MAP4: variants seen among roughly 807,000 people sequenced by gnomAD.
MAP4 encodes the protein microtubule associated protein 4.
In MAP4, 76 loss-of-function variants were observed where a neutral mutation model predicts 170.2. The observed-to-expected ratio is 0.45, with a 90% CI of 0.37 to 0.54. The LOEUF (loss-of-function observed/expected upper bound fraction) is 0.54. Among genes scored for constraint, MAP4 ranks in the 20% least tolerant of loss-of-function variants. MAP4 has a pLI of 0.00. For missense variants in MAP4, 2,506 were observed against 2,748.0 expected (o/e 0.91, Z 1.97); for synonymous variants, 909 against 994.5 (o/e 0.91, Z 1.62).
intron 1 of MAP4, among the ~76,000 whole-genome samples, chr3:48,032,739 A>C (rs572109948): frequency 2.3e-4 from 35 of 152,280 alleles, no homozygotes; most frequent in Middle Eastern, 3.4e-3. Flanking sequence ...CACGACCTAA[A>C]ACTGCACTCT....
At chr3:47,979,891 C>T (rs1456623072) in intron 2 of MAP4, among the ~76,000 whole-genome samples, 2 of 152,164 alleles carry the variant, frequency 1.3e-5, no homozygotes, top group Non-Finnish European at 2.9e-5. Context: ...GTAGTGCAAT[C>T]GTGGCTCACT....
intron 1 of MAP4, among the ~76,000 whole-genome samples, chr3:48,008,354 C>A (rs756278777): frequency 6.6e-6 from 1 of 152,190 alleles, no homozygotes; most frequent in Non-Finnish European, 1.5e-5. Context: ...GCAGACAACA[C>A]CCGAAAGTGG....
intron 1 of MAP4, among the ~76,000 whole-genome samples, chr3:48,072,534 T>C (rs551459135): frequency 6.6e-6 from 1 of 152,074 alleles, no homozygotes; most frequent in South Asian, 2.1e-4. Context: ...GAAAAAACTA[T>C]TTTTTTAATG....
intron 9 of MAP4, among the ~76,000 whole-genome samples, chr3:47,908,653 C>T (rs1577406385): frequency 6.6e-6 from 1 of 152,246 alleles, no homozygotes; most frequent in Non-Finnish European, 1.5e-5. Flanking sequence ...TATTTTCTTT[C>T]CTCCTGTGAA....
At chr3:47,946,203 A>G (rs2100059784) in intron 3 of MAP4, among the ~76,000 whole-genome samples, 1 of 150,098 alleles carries the variant, frequency 6.7e-6, no homozygotes, top group Non-Finnish European at 1.5e-5. Context: ...TCTGCCTCCC[A>G]AAGTGCTGGG....
At chr3:48,031,845 T>C (rs1350003828) in intron 1 of MAP4, among the ~76,000 whole-genome samples, 2 of 152,124 alleles carry the variant, frequency 1.3e-5, no homozygotes, top group Non-Finnish European at 2.9e-5. Flanking sequence ...CACAGCACTG[T>C]ACTCCAGCTT....
chr3:47,874,858 C>CCAGTTTCTGGGCAATACAGAAACCGTGGG (rs2094744690), intron 12 of MAP4, among the ~76,000 whole-genome samples: 2 of 150,994 alleles, frequency 1.3e-5, no homozygotes, highest in African/African-American at 5.0e-5. Context: ...AAATTAAAAA[C>CCAGTTTCTGGGCAATACAGAAACCGTGGG]TGACATTTTA....
chr3:48,055,235 C>T (rs1007656268), intron 1 of MAP4, among the ~76,000 whole-genome samples: 17 of 147,016 alleles, frequency 1.2e-4, no homozygotes, highest in Admixed American at 2.7e-4. Flanking sequence ...TCTCCGTCTC[C>T]GTCTCCCCAT....
chr3:47,868,779 G>A (rs567759474), intron 16 of MAP4, among the ~76,000 whole-genome samples: 2 of 152,308 alleles, frequency 1.3e-5, no homozygotes, highest in Non-Finnish European at 2.9e-5. Context: ...ACCCAGCAGC[G>A]TTATGAGAGG....
intron 3 of MAP4, among the ~76,000 whole-genome samples, chr3:47,963,836 G>A (rs1189128890): frequency 6.6e-6 from 1 of 152,148 alleles, no homozygotes; most frequent in African/African-American, 2.4e-5. Flanking sequence ...CAAAAGCCAC[G>A]AAGAAAATTC....
intron 12 of MAP4, among the ~76,000 whole-genome samples, chr3:47,874,516 A>G (rs1352620850): frequency 6.6e-6 from 1 of 152,116 alleles, no homozygotes; most frequent in Admixed American, 6.6e-5. Flanking sequence ...AGCAACTAGT[A>G]CACTACACTT....
intron 3 of MAP4, among the ~76,000 whole-genome samples, chr3:47,966,719 A>G (rs1033010412): frequency 1.3e-5 from 2 of 152,036 alleles, no homozygotes; most frequent in Non-Finnish European, 2.9e-5. Flanking sequence ...TTTTCCCCTC[A>G]TCATTTATTG....
chr3:47,979,955 G>A (rs2100084522), intron 2 of MAP4, among the ~76,000 whole-genome samples: 1 of 152,096 alleles, frequency 6.6e-6, no homozygotes, highest in Admixed American at 6.6e-5. Context: ...CTCCCAAGTA[G>A]CTGGGACCAC....
chr3:47,855,399 G>T lies in MAP4; in HGVS notation c.6584-39C>A, dbSNP rs368659648. On this transcript the variant is annotated intron_variant, in intron 18 of 20. Coordinates refer to ENST00000683076, the MANE Select transcript of MAP4 (RefSeq NM_001385682.1). The surrounding 1 kb of genome is among the most constrained non-coding windows in gnomAD (Gnocchi z 5.1). Reference sequence around the variant, plus strand: ...GGAACTGGTCACCTAGGGTGGCAGAGGAATATCCCTGCAGGCAAAACCAGG... The same window carrying T: ...GGAACTGGTCACCTAGGGTGGCAGATGAATATCCCTGCAGGCAAAACCAGG... 62 of 1,281,978 alleles carry T rather than the reference G, an allele frequency of 4.8e-5. 1 individual carries two copies. Among genetic ancestry groups the T allele is most frequent in the Middle Eastern group, 1.8e-4 (1 of 5,466 alleles). 79.4% of individuals were successfully genotyped at this position (1,281,978 alleles called of 1,614,324 possible).
At chr3:47,967,341 C>T (rs538150256) in intron 3 of MAP4, among the ~76,000 whole-genome samples, 1 of 148,006 alleles carries the variant, frequency 6.8e-6, no homozygotes, top group South Asian at 2.2e-4. Flanking sequence ...TCACAAAAAA[C>T]AAAACAAAAC....
At position 47,909,086 on chromosome 3, in the gene MAP4, T is replaced by G. The variant is rs762295142; in HGVS notation, c.5335A>C (p.Lys1779Gln). The G allele has an allele frequency of 4.3e-6, 7 of 1,614,006 alleles. No individual in the cohort carries two copies. The South Asian group carries it at 7.7e-5, about 18-fold the overall frequency. The stretch of plus-strand genomic sequence containing the variant: ...CTCTCTTGTTCCTGGATTGTAGACT[T>G]TGGCAAAAGTGGAGTAAGTCCTCGG... Reference protein sequence around the residue: ...KSRGLTPLLPKSTIQEQERHK... With the variant: ...KSRGLTPLLPQSTIQEQERHK... Residue 1779 changes from lysine (K) to glutamine (Q), a missense_variant, in exon 9 of 21, where the codon AAG (lysine) becomes CAG (glutamine). Around this residue, in one of 3 missense-constraint regions of MAP4, gnomAD observed 2,008 missense variants for 2,206.0 expected, o/e 0.91. Coordinates refer to ENST00000683076, the MANE Select transcript of MAP4 (RefSeq NM_001385682.1).
intron 9 of MAP4, among the ~76,000 whole-genome samples, chr3:47,908,500 C>T (rs2100034322): frequency 6.6e-6 from 1 of 152,152 alleles, no homozygotes; most frequent in Non-Finnish European, 1.5e-5. Flanking sequence ...TCGGTGCCTA[C>T]CAATGCTGGT....
At chr3:48,085,404 T>C (rs2100148571) in intron 1 of MAP4, among the ~76,000 whole-genome samples, 2 of 152,178 alleles carry the variant, frequency 1.3e-5, no homozygotes, top group Admixed American at 6.6e-5. Flanking sequence ...AGGTGCTTCC[T>C]TCACTGTCAG....
At chr3:47,873,855 C>T (rs776955640) in intron 12 of MAP4, among the ~76,000 whole-genome samples, 3 of 152,190 alleles carry the variant, frequency 2.0e-5, no homozygotes, top group Non-Finnish European at 2.9e-5. Context: ...GGATAGAAAT[C>T]TCAAAAGGAT....
Sources: allele counts gnomAD v4.1 joint callset (sites outside exome capture counted in the v4.1 genomes callset), GRCh38; gene constraint gnomAD v4.1.1; regional missense constraint gnomAD v4.1.1; non-coding constraint Gnocchi (gnomAD v3.1); transcripts MANE v1.5; gene names NCBI Gene and HGNC (gene_info 2026-07-23, HGNC 2026-07-21).